The following PGM5 variants were observed in gnomAD, a reference collection of about 807,000 sequenced individuals.
The protein encoded by PGM5 is phosphoglucomutase-like protein 5.
A neutral mutation model predicts 59.2 loss-of-function variants in PGM5; 23 were observed. The observed-to-expected ratio is 0.39, with a 90% CI of 0.28 to 0.55. The LOEUF (loss-of-function observed/expected upper bound fraction) is 0.55. Ranked by LOEUF, PGM5 falls within the 20% of genes least tolerant of loss-of-function variation. The probability of loss-of-function intolerance (pLI) is 0.66; values close to 1 mark genes in which losing one functional copy is unlikely to be tolerated. For synonymous variants in PGM5, 214 were observed against 286.0 expected (o/e 0.75, Z 2.54); for missense variants, 574 against 748.3 (o/e 0.77, Z 2.72).
At chr9:68,457,356 T>C (rs572043729) in intron 6 of PGM5, among the ~76,000 whole-genome samples, 1 of 152,302 alleles carries the variant, frequency 6.6e-6, no homozygotes, top group South Asian at 2.1e-4. Flanking sequence ...TGAAATACCA[T>C]AGCAAGGAAC....
chr9:68,507,278 T>C (rs1382225222), intron 10 of PGM5, among the ~76,000 whole-genome samples: 1 of 152,146 alleles, frequency 6.6e-6, no homozygotes, highest in Non-Finnish European at 1.5e-5. Flanking sequence ...AGGCGTGACT[T>C]GGAGGTCTTC....
intron 1 of PGM5, among the ~76,000 whole-genome samples, chr9:68,366,620 T>C (rs1217875240): frequency 6.6e-6 from 1 of 152,296 alleles, no homozygotes; most frequent in Non-Finnish European, 1.5e-5. Context: ...TACATGCATA[T>C]GCATTACCTT....
chr9:68,418,220 C>T (rs1823068850), intron 6 of PGM5, among the ~76,000 whole-genome samples: 1 of 152,172 alleles, frequency 6.6e-6, no homozygotes, highest in African/African-American at 2.4e-5. Flanking sequence ...TCATATCAGC[C>T]TGCCCACAAA....
chr9:68,492,287 G>T (rs1824405251), intron 9 of PGM5, among the ~76,000 whole-genome samples: 1 of 151,812 alleles, frequency 6.6e-6, no homozygotes, highest in Non-Finnish European at 1.5e-5. Flanking sequence ...GAAATAGAAG[G>T]TGCATGATTT....
chr9:68,522,460 A>G (rs888292783), intron 10 of PGM5, among the ~76,000 whole-genome samples: 1 of 152,220 alleles, frequency 6.6e-6, no homozygotes, highest in Non-Finnish European at 1.5e-5. Context: ...TTGAGAGTTC[A>G]GAGGGACCTG....
chr9:68,417,717 T>G (rs981327424), intron 6 of PGM5, among the ~76,000 whole-genome samples: 14 of 152,362 alleles, frequency 9.2e-5, no homozygotes, highest in African/African-American at 3.4e-4. Context: ...GCTTCAGCTA[T>G]AGCCGCTGAG....
At chr9:68,479,922 C>CAA (rs60645209) in intron 8 of PGM5, among the ~76,000 whole-genome samples, 618 of 53,706 alleles carry the variant, frequency 0.012, 2 homozygotes, top group African/African-American at 0.032. Flanking sequence ...GACTCCGTCT[C>CAA]AAAAAAAAAA....
intron 1 of PGM5, among the ~76,000 whole-genome samples, chr9:68,363,439 CA>C (rs1834619420): frequency 6.6e-6 from 1 of 152,266 alleles, no homozygotes; most frequent in Admixed American, 6.5e-5. Flanking sequence ...ACCTATAATT[CA>C]GCATTTAAAA....
chr9:68,404,407 G>T (rs1466380680), intron 6 of PGM5, among the ~76,000 whole-genome samples: 1 of 152,230 alleles, frequency 6.6e-6, no homozygotes, highest in East Asian at 1.9e-4. Flanking sequence ...GGGATTAGAG[G>T]TGTGAGCTAC....
At chr9:68,471,070 T>C (rs1554686195) in intron 7 of PGM5, among the ~76,000 whole-genome samples, 1 of 152,228 alleles carries the variant, frequency 6.6e-6, no homozygotes, top group African/African-American at 2.4e-5. Flanking sequence ...CCCAGTTCCA[T>C]TGATCCTTCT....
intron 10 of PGM5, among the ~76,000 whole-genome samples, chr9:68,517,175 C>T (rs1262270456): frequency 2.0e-5 from 3 of 152,116 alleles, no homozygotes; most frequent in Non-Finnish European, 2.9e-5. Flanking sequence ...TGAGCCACTG[C>T]GCCTAGCCTA....
intron 7 of PGM5, among the ~76,000 whole-genome samples, chr9:68,478,562 C>T (rs1554686851): frequency 6.6e-6 from 1 of 152,142 alleles, no homozygotes; most frequent in Non-Finnish European, 1.5e-5. Context: ...AGTCTAAAAC[C>T]AAGGTGTAGG....
chr9:68,365,046 G>A (rs1473582433), intron 1 of PGM5, among the ~76,000 whole-genome samples: 2 of 151,978 alleles, frequency 1.3e-5, no homozygotes, highest in African/African-American at 4.8e-5. Context: ...TGTGAACTCT[G>A]GAAGTTTGCT....
At chr9:68,428,760 A>T (rs1232604019) in intron 6 of PGM5, 1 of 152,190 alleles carries the variant, frequency 6.6e-6, no homozygotes, top group Non-Finnish European at 1.5e-5. Flanking sequence ...TTGTTCCTAG[A>T]AGTTGCTATC....
chr9:68,390,095 T>C (rs1313820596), intron 4 of PGM5, among the ~76,000 whole-genome samples: 1 of 152,138 alleles, frequency 6.6e-6, no homozygotes, highest in Non-Finnish European at 1.5e-5. Flanking sequence ...CTTGGCTTTC[T>C]GGCATATTTA....
intron 6 of PGM5, among the ~76,000 whole-genome samples, chr9:68,400,143 T>C (rs1286740280): frequency 6.6e-6 from 1 of 152,164 alleles, no homozygotes; most frequent in Non-Finnish European, 1.5e-5. Flanking sequence ...TTCTGTACTG[T>C]CCCAAGGGCA....
At chr9:68,376,481 G>A (rs1297085657) in intron 1 of PGM5, among the ~76,000 whole-genome samples, 3 of 102,952 alleles carry the variant, frequency 2.9e-5, no homozygotes, top group African/African-American at 1.2e-4. Context: ...TGAGCTGTGT[G>A]TGTGTGTGTG....
At chr9:68,489,423 A>T in intron 9 of PGM5, among the ~76,000 whole-genome samples, 1 of 148,892 alleles carries the variant, frequency 6.7e-6, no homozygotes, top group Non-Finnish European at 1.5e-5. Context: ...TCCTAATCCT[A>T]TGTTGTTGTT....
intron 6 of PGM5, among the ~76,000 whole-genome samples, chr9:68,404,114 T>G (rs1822743106): frequency 6.6e-6 from 1 of 152,072 alleles, no homozygotes; most frequent in South Asian, 2.1e-4. Context: ...TATGATTCCT[T>G]CTAGAGGTTG....
Sources: allele counts gnomAD v4.1 joint callset (sites outside exome capture counted in the v4.1 genomes callset), GRCh38; gene constraint gnomAD v4.1.1; transcripts MANE v1.5; gene names NCBI Gene and HGNC (gene_info 2026-07-23, HGNC 2026-07-21).